CHLSN: variants seen among roughly 807,000 people sequenced by gnomAD.
The protein encoded by CHLSN is protein cholesin.
chr7:1,011,782 G>A, the CHLSN span, among the ~76,000 whole-genome samples: 5 of 151,980 alleles, frequency 3.3e-5, no homozygotes, highest in African/African-American at 1.2e-4. Flanking sequence ...CACACCCCTA[G>A]AGCCTGCCAG....
the CHLSN span, among the ~76,000 whole-genome samples, chr7:1,013,155 G>A: frequency 1.3e-5 from 2 of 152,238 alleles, no homozygotes; most frequent in African/African-American, 4.8e-5. Context: ...GAGAGCACAG[G>A]TGAGCAAGGT....
At chr7:1,084,251 G>C in the CHLSN span, among the ~76,000 whole-genome samples, 5 of 152,268 alleles carry the variant, frequency 3.3e-5, no homozygotes, top group African/African-American at 1.2e-4. Flanking sequence ...GGATGCCCGA[G>C]GGTGCTCCTG....
the CHLSN span, among the ~76,000 whole-genome samples, chr7:993,719 G>C: frequency 6.6e-6 from 1 of 152,172 alleles, no homozygotes; most frequent in Non-Finnish European, 1.5e-5. Flanking sequence ...GGAGGTGGCA[G>C]CGAGCAGAGC....
chr7:1,012,284 C>T, the CHLSN span, among the ~76,000 whole-genome samples: 1 of 152,248 alleles, frequency 6.6e-6, no homozygotes, highest in East Asian at 1.9e-4. Flanking sequence ...GGGCAGGGCC[C>T]TGTGGTAGGG....
the CHLSN span, among the ~76,000 whole-genome samples, chr7:1,129,538 C>T: frequency 6.6e-6 from 1 of 152,224 alleles, no homozygotes; most frequent in African/African-American, 2.4e-5. Context: ...CTCAAAATTC[C>T]AGGCTCAAGC....
At chr7:983,561 T>C in the CHLSN span, among the ~76,000 whole-genome samples, 1 of 152,068 alleles carries the variant, frequency 6.6e-6, no homozygotes, top group Non-Finnish European at 1.5e-5. Flanking sequence ...AGCCACCCCG[T>C]CCCACAGGGA....
chr7:1,043,412 G>A, the CHLSN span: 1 of 152,228 alleles, frequency 6.6e-6, no homozygotes, highest in African/African-American at 2.4e-5. Context: ...AATCAATCGT[G>A]TCTTAGGTTT....
the CHLSN span, among the ~76,000 whole-genome samples, chr7:1,033,417 G>T: frequency 6.6e-6 from 1 of 152,120 alleles, no homozygotes; most frequent in Non-Finnish European, 1.5e-5. Flanking sequence ...AATTAGCCGG[G>T]TGTGGTGGGT....
chr7:1,014,292 A>G, the CHLSN span, among the ~76,000 whole-genome samples: 1 of 152,224 alleles, frequency 6.6e-6, no homozygotes, highest in East Asian at 1.9e-4. Flanking sequence ...AGAAAATACA[A>G]CTGCATGAAA....
the CHLSN span, among the ~76,000 whole-genome samples, chr7:1,127,799 G>A: frequency 7.9e-3 from 448 of 56,980 alleles, no homozygotes; most frequent in Middle Eastern, 0.016. Flanking sequence ...GCACGATCTC[G>A]GCTGATCCCA....
chr7:988,976 C>T, the CHLSN span: 11 of 585,696 alleles, frequency 1.9e-5, no homozygotes, highest in African/African-American at 2.1e-4. Context: ...GCAACTGCTT[C>T]CGGTTACACC....
At chr7:1,078,604 A>T in the CHLSN span, among the ~76,000 whole-genome samples, 1 of 152,002 alleles carries the variant, frequency 6.6e-6, no homozygotes, top group East Asian at 1.9e-4. Context: ...TCGTCTCCTC[A>T]AACTCCCACC....
At chr7:1,119,264 C>A in the CHLSN span, among the ~76,000 whole-genome samples, 3 of 152,026 alleles carry the variant, frequency 2.0e-5, no homozygotes, top group African/African-American at 7.2e-5. Context: ...GCACTACACT[C>A]AACAATTCAC....
the CHLSN span, among the ~76,000 whole-genome samples, chr7:1,041,319 CGG>C: frequency 1.7e-5 from 2 of 116,076 alleles, no homozygotes; most frequent in African/African-American, 7.0e-5. Context: ...GTCCGCGCTG[CGG>C]GGAAGGGGGC....
At chr7:1,078,223 G>A in the CHLSN span, among the ~76,000 whole-genome samples, 1 of 152,278 alleles carries the variant, frequency 6.6e-6, no homozygotes, top group African/African-American at 2.4e-5. Flanking sequence ...CTGCGGCAGG[G>A]CAAGGAAGTG....
At chr7:1,092,532 C>T in the CHLSN span, 43 of 1,608,622 alleles carry the variant, frequency 2.7e-5, no homozygotes, top group African/African-American at 6.7e-5. Flanking sequence ...TGCTGGTCTT[C>T]TTCGTCTGCT....
chr7:1,091,472 G>C, the CHLSN span: 1 of 461,216 alleles, frequency 2.2e-6, no homozygotes, highest in Non-Finnish European at 3.8e-6. Flanking sequence ...AGGGACGCCC[G>C]CCGGACGAGC....
the CHLSN span, among the ~76,000 whole-genome samples, chr7:1,108,341 A>G: frequency 1.4e-3 from 110 of 79,232 alleles, 7 homozygotes; most frequent in African/African-American, 3.3e-3. Context: ...GAGGAAGCAG[A>G]GGGGGGCTGT....
At chr7:1,093,523 C>T in the CHLSN span, 2 of 470,830 alleles carry the variant, frequency 4.2e-6, no homozygotes, top group East Asian at 6.9e-5. Flanking sequence ...CAGGAAGGCC[C>T]CTCTGTGGAG....
Sources: gnomAD v4.1 joint callset for allele counts (sites outside exome capture counted in the v4.1 genomes callset) on GRCh38, gnomAD v4.1.1 for gene constraint, MANE v1.5 for transcripts, NCBI Gene and HGNC (gene_info 2026-07-23, HGNC 2026-07-21) for gene names.